RABGAP1L: variants seen among roughly 807,000 people sequenced by gnomAD.
RABGAP1L encodes rab GTPase-activating protein 1-like.
Under a neutral mutation model 137.7 loss-of-function variants are expected in RABGAP1L, and 63 were observed. The ratio of observed to expected loss-of-function variants is 0.46; its 90% confidence interval spans 0.37 to 0.56. The LOEUF (loss-of-function observed/expected upper bound fraction) is 0.56. Ranked by LOEUF, RABGAP1L falls within the 20% of genes least tolerant of loss-of-function variation. The probability of loss-of-function intolerance (pLI) is 0.00; values close to 1 mark genes in which losing one functional copy is unlikely to be tolerated. For synonymous variants in RABGAP1L, 431 were observed against 433.7 expected, an observed-to-expected ratio of 0.99 and a Z score of 0.08; for missense variants, 1,095 against 1,244.0, an observed-to-expected ratio of 0.88 and a Z score of 1.80.
chr1:174,356,148 A>G (rs976996554), intron 11 of RABGAP1L, among the ~76,000 whole-genome samples: 1 of 152,176 alleles, frequency 6.6e-6, no homozygotes, highest in Non-Finnish European at 1.5e-5. Context: ...TAGTTAGACA[A>G]GTATCATTAT....
intron 1 of RABGAP1L, among the ~76,000 whole-genome samples, chr1:174,217,341 T>C (rs1201913577): frequency 6.6e-6 from 1 of 152,108 alleles, no homozygotes; most frequent in Non-Finnish European, 1.5e-5. Flanking sequence ...TTAGAGAAGG[T>C]ATTTGAGTTG....
rs565286158 is a variant in RABGAP1L, at chr1:174,551,037, CAT to C, written c.1711-86328_1711-86327del. 2.7e-4 allele frequency among the ~76,000 whole-genome samples: 32 copies of C among 116,676 alleles called. 1 individual carries two copies. In the East Asian group the frequency reaches 4.0e-3, roughly 14 times the overall value. The allele number at this position is 116,676 out of a possible 152,430, so 76.5% of individuals were successfully genotyped here. On this transcript the variant is annotated intron_variant, in intron 13 of 25. Coordinates refer to ENST00000681986, the MANE Select transcript of RABGAP1L (RefSeq NM_001366446.1). Reference sequence around the variant, plus strand: ...ATATATATATACATACACACACACACATATATATATACACACAAAAAATTAGC... The same window carrying C: ...ATATATATATACATACACACACACACATATATATACACACAAAAAATTAGC...
intron 13 of RABGAP1L, among the ~76,000 whole-genome samples, chr1:174,418,794 T>C (rs1278296572): frequency 6.6e-6 from 1 of 152,128 alleles, no homozygotes; most frequent in African/African-American, 2.4e-5. Flanking sequence ...ATCCCAGCAC[T>C]TTGGGAGGCT....
At chr1:174,733,267 G>T (rs1241514663) in intron 17 of RABGAP1L, among the ~76,000 whole-genome samples, 2 of 152,192 alleles carry the variant, frequency 1.3e-5, no homozygotes, top group Admixed American at 1.3e-4. Flanking sequence ...ATGGCAGGCT[G>T]CAGGGGTCAA....
rs79731731 is a variant in RABGAP1L at position 174,933,089 on chromosome 1, T to C, written c.2341-24368T>C. Reference sequence around the variant, plus strand: ...CTAAACACACACACACTTACATACATACATGCATACATACATACATACATA... The same window carrying C: ...CTAAACACACACACACTTACATACACACATGCATACATACATACATACATA... On this transcript the variant is annotated intron_variant, in intron 19 of 25. Transcript: ENST00000681986. Among the ~76,000 whole-genome samples, 60 of 152,210 alleles carry C rather than the reference T, an allele frequency of 3.9e-4. No homozygotes were observed. The East Asian group carries it at 0.011, about 27-fold the overall frequency.
At chr1:174,868,649 G>T (rs1415115923) in intron 19 of RABGAP1L, among the ~76,000 whole-genome samples, 7 of 152,130 alleles carry the variant, frequency 4.6e-5, no homozygotes, top group Non-Finnish European at 7.3e-5. Flanking sequence ...GGTTACAATA[G>T]ATTAATATCA....
At chr1:174,435,461 G>A (rs201540058) in intron 13 of RABGAP1L, among the ~76,000 whole-genome samples, 3 of 151,914 alleles carry the variant, frequency 2.0e-5, no homozygotes, top group African/African-American at 7.3e-5. Context: ...TGAGGACATG[G>A]TCTAAGTTAA....
At chr1:174,978,033 G>A (rs938974660) in intron 22 of RABGAP1L, among the ~76,000 whole-genome samples, 1 of 152,210 alleles carries the variant, frequency 6.6e-6, no homozygotes, top group Non-Finnish European at 1.5e-5. Context: ...TTTAAGCAGA[G>A]TTGTTTTTTG....
chr1:174,695,730 A>G (rs925152463), intron 15 of RABGAP1L, among the ~76,000 whole-genome samples: 1 of 152,106 alleles, frequency 6.6e-6, no homozygotes, highest in Non-Finnish European at 1.5e-5. Flanking sequence ...GTCTGAACTT[A>G]TTTTTACCCG....
chr1:174,926,489 CA>C lies in RABGAP1L; in HGVS notation c.2341-30965del, dbSNP rs755672919. Among the ~76,000 whole-genome samples the C allele has an allele frequency of 1.9e-4, 29 of 151,874 alleles. No homozygotes were observed. The Middle Eastern group carries it at 0.017, about 89-fold the overall frequency. The stretch of plus-strand genomic sequence containing the variant: ...GAGGTTTTATCATTAGATTTATTTC[CA>C]AAGACCTTAAGTTTTTGTAGTAAGA... On this transcript the variant is annotated intron_variant, in intron 19 of 25. Coordinates refer to ENST00000681986, the MANE Select transcript of RABGAP1L (RefSeq NM_001366446.1).
intron 14 of RABGAP1L, 107 bp downstream of exon 14, chr1:174,637,595 C>A: frequency 2.5e-6 from 2 of 790,192 alleles, no homozygotes; most frequent in Non-Finnish European, 2.1e-6. Flanking sequence ...TGCACTATGC[C>A]ATGTTTTCTG....
At chr1:174,381,194 G>T (rs1686112623) in intron 12 of RABGAP1L, among the ~76,000 whole-genome samples, 1 of 144,586 alleles carries the variant, frequency 6.9e-6, no homozygotes, top group Non-Finnish European at 1.5e-5. Context: ...TTGCTGAGGA[G>T]AGCTTTACTT....
Position 174,203,897 on chromosome 1 carries a change from T to TC in RABGAP1L, c.-33-15228_-33-15227insC, listed in dbSNP as rs200320522. Among the ~76,000 whole-genome samples the TC allele has an allele frequency of 2.8e-4, 42 of 152,170 alleles. No homozygotes were observed. In the East Asian group the frequency reaches 7.9e-3, roughly 29 times the overall value. On this transcript the variant is annotated intron_variant, in intron 1 of 25. Transcript: ENST00000681986. ...TTTCTGATTTGGCTCTTGGCTTAGC[T>TC]GTTGTTGGTGTATAGGAATGCTAGT... is the stretch of plus-strand genomic sequence containing the variant.
At chr1:174,322,420 G>A (rs886747238) in intron 11 of RABGAP1L, among the ~76,000 whole-genome samples, 1 of 152,136 alleles carries the variant, frequency 6.6e-6, no homozygotes, top group Non-Finnish European at 1.5e-5. Context: ...CTGAACACTT[G>A]ACTGGGTGGG....
intron 19 of RABGAP1L, among the ~76,000 whole-genome samples, chr1:174,889,594 T>G (rs1022782734): frequency 6.6e-6 from 1 of 152,028 alleles, no homozygotes; most frequent in African/African-American, 2.4e-5. Flanking sequence ...CTAATTTTTT[T>G]GTTTGTTTTT....
At chr1:174,852,109 A>G (rs777195792) in intron 19 of RABGAP1L, among the ~76,000 whole-genome samples, 7 of 152,210 alleles carry the variant, frequency 4.6e-5, no homozygotes, top group Non-Finnish European at 8.8e-5. Flanking sequence ...GTGGAAAGCT[A>G]TTATTTACTT....
intron 13 of RABGAP1L, among the ~76,000 whole-genome samples, chr1:174,421,999 C>A (rs184397929): frequency 6.6e-6 from 1 of 152,234 alleles, no homozygotes; most frequent in Admixed American, 6.5e-5. Flanking sequence ...GAACTCCTGA[C>A]CTCAGGTGAT....
chr1:174,190,301 CAAAA>C (rs57629149), intron 1 of RABGAP1L, among the ~76,000 whole-genome samples: 7 of 90,260 alleles, frequency 7.8e-5, no homozygotes, highest in South Asian at 8.6e-4. Flanking sequence ...GACTCCGTTG[CAAAA>C]AAAAAAAAAA....
chr1:174,271,490 T>A (rs1171525008), intron 7 of RABGAP1L, among the ~76,000 whole-genome samples: 1 of 152,098 alleles, frequency 6.6e-6, no homozygotes, highest in Non-Finnish European at 1.5e-5. Context: ...TCTTGAAGTT[T>A]TGGGAAACTA....
Sources: allele counts gnomAD v4.1 joint callset (sites outside exome capture counted in the v4.1 genomes callset), GRCh38; gene constraint gnomAD v4.1.1; transcripts MANE v1.5; gene names NCBI Gene and HGNC (gene_info 2026-07-23, HGNC 2026-07-21).